The following NACC2 variants were observed in gnomAD, a reference collection of about 807,000 sequenced individuals.
NACC2 encodes nucleus accumbens-associated protein 2.
Under a neutral mutation model 25.1 loss-of-function variants are expected in NACC2, and 8 were observed. The ratio of observed to expected loss-of-function variants is 0.32; its 90% CI spans 0.19 to 0.57. NACC2 has a LOEUF of 0.57. Ranked by LOEUF, NACC2 falls within the 20% of genes least tolerant of loss-of-function variation. NACC2 has a pLI of 0.89. For missense variants in NACC2, 644 were observed against 650.2 expected, an observed-to-expected ratio of 0.99 and a Z score of 0.10; for synonymous variants, 435 against 294.7, an observed-to-expected ratio of 1.48 and a Z score of -4.88.
chr9:136,015,743 T>C (rs1840189996), intron 3 of NACC2, among the ~76,000 whole-genome samples: 1 of 152,194 alleles, frequency 6.6e-6, no homozygotes, highest in Non-Finnish European at 1.5e-5. Context: ...CAGACTGGCT[T>C]TAGCCTGCCC....
rs574174229 is a variant in NACC2, at chr9:136,084,662, C to G, written c.-60+10527G>C. Reference sequence around the variant, plus strand: ...CCACGTCCATAGCGGCAGCACCAGACAGCCAAGAGGCAAGTGGCCCCAGGG... The same window carrying G: ...CCACGTCCATAGCGGCAGCACCAGAGAGCCAAGAGGCAAGTGGCCCCAGGG... On this transcript the variant is annotated intron_variant, in intron 1 of 5. Coordinates refer to ENST00000277554, the MANE Select transcript of NACC2 (RefSeq NM_144653.5). The surrounding 1 kb of genome is among the most constrained non-coding windows in gnomAD (Gnocchi z 5.1). 5.9e-5 allele frequency among the ~76,000 whole-genome samples: 9 copies of G among 152,374 alleles called. No individual in the cohort carries two copies. The highest frequency in any genetic ancestry group is 2.2e-4 in the African/African-American group (9 of 41,590).
At chr9:136,056,401 T>C (rs1840925584) in intron 1 of NACC2, among the ~76,000 whole-genome samples, 1 of 152,036 alleles carries the variant, frequency 6.6e-6, no homozygotes, top group Non-Finnish European at 1.5e-5. Context: ...ACCTCCCCGC[T>C]ACTGGACATA....
rs1172385583 is a variant in NACC2 at position 136,048,912 on chromosome 9, G to A, written c.886+724C>T. On this transcript the variant is annotated intron_variant, in intron 2 of 5. Coordinates refer to ENST00000277554, the MANE Select transcript of NACC2 (RefSeq NM_144653.5). ...GGCTGGCATTATGCACCCGCACCCA[G>A]GCCCAGGCCGCTGCACACAGGCCCT... Among the ~76,000 whole-genome samples, 4 of 152,254 alleles carry A rather than the reference G, an allele frequency of 2.6e-5. No individual in the cohort carries two copies. In the East Asian group the frequency reaches 5.8e-4, roughly 22 times the overall value.
chr9:136,053,383 G>A (rs1840877212), intron 1 of NACC2, among the ~76,000 whole-genome samples: 1 of 152,202 alleles, frequency 6.6e-6, no homozygotes, highest in Non-Finnish European at 1.5e-5. Flanking sequence ...CCTACAAGGG[G>A]CTGGTGACAA....
At chr9:136,073,088 A>G (rs929009515) in intron 1 of NACC2, among the ~76,000 whole-genome samples, 15 of 152,156 alleles carry the variant, frequency 9.9e-5, no homozygotes, top group African/African-American at 3.6e-4. Flanking sequence ...GGTAGAAAAA[A>G]CATGCCAGGA....
At chr9:136,045,470 G>C (rs1367420127) in intron 2 of NACC2, among the ~76,000 whole-genome samples, 1 of 152,238 alleles carries the variant, frequency 6.6e-6, no homozygotes, top group Non-Finnish European at 1.5e-5. Context: ...CAGCCACACA[G>C]AGTGACATCT....
At chr9:136,081,980 C>G (rs529805488) in intron 1 of NACC2, among the ~76,000 whole-genome samples, 1 of 152,166 alleles carries the variant, frequency 6.6e-6, no homozygotes. Context: ...GGAGCTGACG[C>G]GAGAGCCAGG....
At chr9:136,059,679 A>G (rs904427888) in intron 1 of NACC2, among the ~76,000 whole-genome samples, 1 of 152,208 alleles carries the variant, frequency 6.6e-6, no homozygotes. Context: ...CACCCTGCAT[A>G]CGGCTGGCCT....
rs57857076 is a variant in NACC2 at position 136,041,095 on chromosome 9, A to AAAGGAAAGGAAGGAAGGAAAGGAAGG, written c.886+8515_886+8540dup. 6.2e-4 allele frequency among the ~76,000 whole-genome samples: 91 copies of AAAGGAAAGGAAGGAAGGAAAGGAAGG among 146,458 alleles called. 1 individual carries two copies. The highest frequency in any genetic ancestry group is 9.6e-4 in the Non-Finnish European group (64 of 66,730). ...AGGAAGGAAAGGAAGGAAGCAAAGG[A>AAAGGAAAGGAAGGAAGGAAAGGAAGG]AAGGAAAGGAAGGAAGGAAAGGAAG... On this transcript the variant is annotated intron_variant, in intron 2 of 5. Coordinates refer to ENST00000277554, the MANE Select transcript of NACC2 (RefSeq NM_144653.5).
intron 1 of NACC2, among the ~76,000 whole-genome samples, chr9:136,062,504 C>T (rs1328235481): frequency 2.6e-5 from 4 of 152,186 alleles, no homozygotes; most frequent in Non-Finnish European, 5.9e-5. Flanking sequence ...GTGCCTAGGC[C>T]CAGAGGCTCC....
intron 1 of NACC2, among the ~76,000 whole-genome samples, chr9:136,051,559 C>T (rs1410136235): frequency 6.6e-6 from 1 of 152,092 alleles, no homozygotes; most frequent in African/African-American, 2.4e-5. Flanking sequence ...TCCGCAGGGC[C>T]GCACAAAGGC....
rs1260917903 is a variant in NACC2, at chr9:136,006,557, T to C, written c.*4959A>G. 6.6e-6 allele frequency: 1 copy of C among 152,276 alleles called. No individual in the cohort carries two copies. Among genetic ancestry groups the C allele is most frequent in the Non-Finnish European group, 1.5e-5 (1 of 68,048 alleles). The allele number at this position is 152,276 out of a possible 1,614,324, so 9.4% of individuals were successfully genotyped here. A position where few individuals can be genotyped will look rare whatever the true frequency, so the allele number is the denominator to read the frequency against. ...GAAACTTAGGTTTGAACTGACTTTA[T>C]TATTTTGTAAATGTGAATTTTACAA... On this transcript the variant is annotated 3_prime_UTR_variant, in exon 6 of 6. Coordinates refer to ENST00000277554, the MANE Select transcript of NACC2 (RefSeq NM_144653.5).
chr9:136,094,485 C>T (rs1040968679), intron 1 of NACC2, among the ~76,000 whole-genome samples: 8 of 152,206 alleles, frequency 5.3e-5, no homozygotes, highest in Non-Finnish European at 1.0e-4. Flanking sequence ...GGGTGCGCGG[C>T]GGGCCCCGGG....
chr9:136,011,487 C>G lies in NACC2; in HGVS notation c.*29G>C. The G allele has an allele frequency of 7.4e-7, 1 of 1,352,500 alleles. No individual in the cohort carries two copies. The highest frequency in any genetic ancestry group is 2.1e-5 in the South Asian group (1 of 46,928). 83.8% of individuals were successfully genotyped at this position (1,352,500 alleles called of 1,614,324 possible). ...AACGCATGCAAGCAGCTCTAGTACT[C>G]GGTCCCTCGCGCAGCCACCCAGCTC... On this transcript the variant is annotated 3_prime_UTR_variant, in exon 6 of 6. Transcript: ENST00000277554.
At chr9:136,024,755 A>AACT (rs1840360819) in intron 2 of NACC2, among the ~76,000 whole-genome samples, 1 of 152,164 alleles carries the variant, frequency 6.6e-6, no homozygotes, top group Admixed American at 6.5e-5. Context: ...ATATTAGACT[A>AACT]ACTCCCTCAT....
chr9:136,017,282 C>T (rs946690819), intron 2 of NACC2, among the ~76,000 whole-genome samples: 1 of 152,164 alleles, frequency 6.6e-6, no homozygotes, highest in African/African-American at 2.4e-5. Context: ...CCCTCGGAGG[C>T]TCCTGGGCCA....
chr9:136,095,267 T>A lies in NACC2; in HGVS notation c.-138A>T, dbSNP rs966300615. On this transcript the variant is annotated 5_prime_UTR_variant, in exon 1 of 6. Transcript: ENST00000277554. ...CAGGAAGTGCTTGGCGTCCCGGCGC[T>A]CCGGCTCCCATGGACTTTCTCCGAC... 6.8e-6 allele frequency: 1 copy of A among 146,784 alleles called. No individual in the cohort carries two copies. The highest frequency in any genetic ancestry group is 6.7e-5 in the Admixed American group (1 of 14,848). The allele number at this position is 146,784 out of a possible 1,614,324, so 9.1% of individuals were successfully genotyped here.
chr9:136,070,274 G>A (rs1463126592), intron 1 of NACC2, among the ~76,000 whole-genome samples: 9 of 151,786 alleles, frequency 5.9e-5, no homozygotes, highest in East Asian at 1.9e-4. Context: ...TTGGGAGGCC[G>A]GGGCGGGTGG....
intron 2 of NACC2, among the ~76,000 whole-genome samples, chr9:136,021,570 A>G (rs1274865037): frequency 2.0e-5 from 3 of 152,216 alleles, no homozygotes; most frequent in Admixed American, 6.5e-5. Flanking sequence ...CAAGTTCAAC[A>G]TACACTTATG....
Sources: allele counts gnomAD v4.1 joint callset (sites outside exome capture counted in the v4.1 genomes callset), GRCh38; gene constraint gnomAD v4.1.1; non-coding constraint Gnocchi (gnomAD v3.1); transcripts MANE v1.5; gene names NCBI Gene and HGNC (gene_info 2026-07-23, HGNC 2026-07-21).